The following ELL variants were observed in gnomAD, a reference collection of about 807,000 sequenced individuals.
ELL encodes the protein elongation factor for RNA polymerase II.
Under a neutral mutation model 64.0 loss-of-function variants are expected in ELL, and 18 were observed. That is an observed-to-expected ratio of 0.28 (90% CI 0.19 to 0.42). The LOEUF is 0.42. ELL is among the 10% of genes least tolerant of loss of function. The pLI is 1.00. For synonymous variants in ELL, 399 were observed against 376.2 expected, an observed-to-expected ratio of 1.06 and a Z score of -0.70; for missense variants, 797 against 870.4, an observed-to-expected ratio of 0.92 and a Z score of 1.06.
At position 18,458,467 on chromosome 19, in the gene ELL, A is replaced by G. The variant is rs1974730745; in HGVS notation, c.745-138T>C. 67 of 1,349,654 alleles carry G rather than the reference A, an allele frequency of 5.0e-5. No homozygotes were observed. The South Asian group carries it at 9.1e-4, about 18-fold the overall frequency. 83.6% of individuals were successfully genotyped at this position (1,349,654 alleles called of 1,614,324 possible). ...ACAGAGACAGAGGAGAGGAAAGAGG[A>G]TGGCCCACTACCGATCCGTGATGTC... On this transcript the variant is annotated intron_variant, in intron 5 of 11. Transcript: ENST00000262809.
chr19:18,514,138 G>T (rs567004910), intron 1 of ELL, among the ~76,000 whole-genome samples: 2 of 152,054 alleles, frequency 1.3e-5, no homozygotes, highest in Non-Finnish European at 2.9e-5. Flanking sequence ...AGATGGAGGC[G>T]GGAGGTCTCT....
At chr19:18,466,137 G>A (rs573107913) in intron 2 of ELL, among the ~76,000 whole-genome samples, 4 of 152,338 alleles carry the variant, frequency 2.6e-5, no homozygotes, top group East Asian at 1.9e-4. Flanking sequence ...ACCTATGCGG[G>A]TGGGCATGGG....
At chr19:18,451,814 C>T (rs2303695) in intron 6 of ELL, among the ~76,000 whole-genome samples, 166 bp from the exon 7 acceptor site, 67,039 of 152,058 alleles carry the variant, frequency 0.44, 16,694 homozygotes, top group African/African-American at 0.69. Flanking sequence ...CTGAGGCCAT[C>T]CTGCCCCCGA....
At chr19:18,474,595 C>T (rs1975138423) in intron 1 of ELL, among the ~76,000 whole-genome samples, 2 of 152,380 alleles carry the variant, frequency 1.3e-5, no homozygotes, top group Admixed American at 1.3e-4. Flanking sequence ...GTCCATGGTG[C>T]AACACGTCCA....
chr19:18,453,262 G>A (rs1363970695), intron 6 of ELL, among the ~76,000 whole-genome samples: 3 of 152,212 alleles, frequency 2.0e-5, no homozygotes, highest in Non-Finnish European at 2.9e-5. Context: ...CAACAAGACC[G>A]AGACTCCGTC....
chr19:18,521,983 C>T lies in ELL; in HGVS notation c.73G>A (p.Val25Met), dbSNP rs774374761. 3.1e-6 allele frequency: 5 copies of T among 1,611,384 alleles called. No individual in the cohort carries two copies. Among genetic ancestry groups the T allele is most frequent in the Admixed American group, 1.7e-5 (1 of 59,922 alleles). The change falls in exon 1 of 12, where the codon GTG (valine) becomes ATG (methionine). Residue 25 changes from valine (V) to methionine (M), a missense_variant. Transcript: ENST00000262809. ...GRVSDGSKVS[V>M]FHVKLTDSAL... ...CTGTCGGTGAGCTTCACGTGGAACA[C>T]CGACACCTTGCTGCCGTCGCTAACC...
intron 1 of ELL, among the ~76,000 whole-genome samples, chr19:18,516,103 A>AT (rs939749001): frequency 1.3e-5 from 2 of 152,080 alleles, no homozygotes; most frequent in Non-Finnish European, 2.9e-5. Flanking sequence ...GGAAGGGAAG[A>AT]TAAGTCGGGC....
chr19:18,451,055 A>G, intron 7 of ELL, 80 bp from the exon 8 acceptor site: 1 of 1,424,598 alleles, frequency 7.0e-7, no homozygotes, highest in Non-Finnish European at 9.1e-7. Context: ...CCTGGCTAGA[A>G]AACCCAACGC....
At chr19:18,504,611 G>A (rs562034395) in intron 1 of ELL, among the ~76,000 whole-genome samples, 47 of 152,242 alleles carry the variant, frequency 3.1e-4, no homozygotes, top group Non-Finnish European at 6.2e-4. Context: ...GAAGAGCCTG[G>A]CACCGCCCAC....
chr19:18,513,877 G>A (rs976208727), intron 1 of ELL, among the ~76,000 whole-genome samples: 2 of 152,158 alleles, frequency 1.3e-5, no homozygotes, highest in Non-Finnish European at 2.9e-5. Flanking sequence ...GTTGCAGTGA[G>A]CCAAGATCAC....
rs761853013 is a variant in ELL, at chr19:18,458,333, CA to C, written c.745-5del. 3.7e-6 allele frequency: 6 copies of C among 1,607,906 alleles called. No individual in the cohort carries two copies. The Admixed American group carries it at 1.0e-4, about 27-fold the overall frequency. On this transcript the variant is annotated splice_region_variant and splice_polypyrimidine_tract_variant and intron_variant, in intron 5 of 11. Coordinates refer to ENST00000262809, the MANE Select transcript of ELL (RefSeq NM_006532.4). ...CCTTAGCACTCATGTTGGCCACCTGCAAGACAGAGCCAGCCATCACTTTGTG... is the reference window on the plus strand; with the variant it reads ...CCTTAGCACTCATGTTGGCCACCTGCAGACAGAGCCAGCCATCACTTTGTG...
intron 1 of ELL, among the ~76,000 whole-genome samples, chr19:18,516,015 C>G (rs1406053524): frequency 6.6e-6 from 1 of 152,186 alleles, no homozygotes; most frequent in African/African-American, 2.4e-5. Context: ...CACTAGGTCT[C>G]TAAAGAAGGC....
chr19:18,461,910 G>C (rs1974823804), intron 4 of ELL, 58 bp from the exon 5 acceptor site: 1 of 1,564,112 alleles, frequency 6.4e-7, no homozygotes, highest in African/African-American at 1.3e-5. Context: ...TCCTAAGCCA[G>C]TGCTGCTGAC....
At chr19:18,495,378 C>G (rs1228273171) in intron 1 of ELL, among the ~76,000 whole-genome samples, 3 of 152,162 alleles carry the variant, frequency 2.0e-5, no homozygotes, top group Admixed American at 2.0e-4. Context: ...GAACTGGCAA[C>G]AGCAGCAAAA....
At chr19:18,465,660 C>T (rs1974917973) in intron 3 of ELL, 85 bp from the exon 4 acceptor site, 1 of 1,480,398 alleles carries the variant, frequency 6.8e-7, no homozygotes, top group Admixed American at 2.3e-5. Context: ...CAGCCCACCA[C>T]CTGGCCTGGA....
chr19:18,479,323 G>C (rs918589107), intron 1 of ELL, among the ~76,000 whole-genome samples: 2 of 152,194 alleles, frequency 1.3e-5, no homozygotes, highest in African/African-American at 4.8e-5. Flanking sequence ...GCGACCATCA[G>C]AGCAGAAAGC....
rs148674771 is a variant in ELL at position 18,518,110 on chromosome 19, T to C, written c.135+3811A>G. ...TGGTGCATGCCTGTAATCCCAGCTA[T>C]TTGGGAGGCTGAGGTTGCAGTGAGC... On this transcript the variant is annotated intron_variant, in intron 1 of 11. Coordinates refer to ENST00000262809, the MANE Select transcript of ELL (RefSeq NM_006532.4). Among the ~76,000 whole-genome samples the C allele has an allele frequency of 9.8e-3, 1,483 of 151,410 alleles. 9 individuals are homozygous for C. The highest frequency in any genetic ancestry group is 0.018 in the African/African-American group (733 of 41,282).
intron 1 of ELL, among the ~76,000 whole-genome samples, chr19:18,503,635 CAG>C (rs1252163862): frequency 2.0e-5 from 3 of 152,176 alleles, no homozygotes; most frequent in South Asian, 2.1e-4. Flanking sequence ...GCTGAGCACT[CAG>C]GGGCTGTGAG....
At chr19:18,460,292 G>T (rs909239547) in intron 5 of ELL, among the ~76,000 whole-genome samples, 1 of 152,216 alleles carries the variant, frequency 6.6e-6, no homozygotes, top group Non-Finnish European at 1.5e-5. Flanking sequence ...CAGCTGCTTG[G>T]GGGGAAGCAG....
Sources: allele counts gnomAD v4.1 joint callset (sites outside exome capture counted in the v4.1 genomes callset), GRCh38; gene constraint gnomAD v4.1.1; transcripts MANE v1.5; gene names NCBI Gene and HGNC (gene_info 2026-07-23, HGNC 2026-07-21).